The following ATP10B variants were observed in gnomAD, a reference collection of about 807,000 sequenced individuals.
ATP10B encodes the protein ATPase phospholipid transporting 10B (putative), also known as phospholipid-transporting ATPase VB.
In ATP10B, 122 loss-of-function variants were observed where a neutral mutation model predicts 141.2. The ratio of observed to expected loss-of-function variants is 0.86; its 90% CI spans 0.75 to 1.00. The LOEUF (loss-of-function observed/expected upper bound fraction) is 1.00. Ranked by LOEUF, ATP10B falls within the 50% of genes least tolerant of loss-of-function variation. The pLI is 0.00. For synonymous variants in ATP10B, 685 were observed against 692.0 expected, an observed-to-expected ratio of 0.99 and a Z score of 0.16; for missense variants, 1,876 against 1,825.3, an observed-to-expected ratio of 1.03 and a Z score of -0.51.
chr5:160,575,797 G>A (rs1328186649), intron 24 of ATP10B, among the ~76,000 whole-genome samples: 1 of 152,086 alleles, frequency 6.6e-6, no homozygotes, highest in African/African-American at 2.4e-5. Flanking sequence ...CTTTTGACTA[G>A]ATGGTACAAA....
chr5:160,796,359 C>T (rs144122216), intron 1 of ATP10B, among the ~76,000 whole-genome samples: 13 of 152,286 alleles, frequency 8.5e-5, no homozygotes, highest in African/African-American at 2.9e-4. Context: ...CCACTTACTA[C>T]GAACGTTGTG....
the ATP10B span, among the ~76,000 whole-genome samples, chr5:160,889,258 A>C: frequency 0.63 from 95,315 of 152,014 alleles, 31,238 homozygotes; most frequent in East Asian, 0.86. Context: ...CCTTTGACAT[A>C]CGAGGGTTTA....
intron 1 of ATP10B, among the ~76,000 whole-genome samples, chr5:160,810,130 T>C (rs1455489784): frequency 1.3e-5 from 2 of 152,146 alleles, no homozygotes; most frequent in Non-Finnish European, 2.9e-5. Context: ...AAATGAATTA[T>C]TTACCTTTTA....
chr5:160,661,406 T>C (rs1761902824), intron 7 of ATP10B, among the ~76,000 whole-genome samples: 1 of 152,222 alleles, frequency 6.6e-6, no homozygotes, highest in Admixed American at 6.5e-5. Context: ...TGAAAGCTGA[T>C]ATCAAAGAAT....
chr5:160,722,124 G>A (rs1279675403), intron 2 of ATP10B, among the ~76,000 whole-genome samples: 2 of 152,124 alleles, frequency 1.3e-5, no homozygotes, highest in Non-Finnish European at 2.9e-5. Flanking sequence ...ACATATCCAA[G>A]CAAACAAACA....
the ATP10B span, among the ~76,000 whole-genome samples, chr5:160,912,414 CAAAAA>C: frequency 4.5e-5 from 4 of 88,910 alleles, no homozygotes; most frequent in Admixed American, 1.4e-4. Flanking sequence ...CTGTTTCTAC[CAAAAA>C]AAAAAAAAAA....
At chr5:160,912,960 C>T in the ATP10B span, among the ~76,000 whole-genome samples, 2 of 152,164 alleles carry the variant, frequency 1.3e-5, no homozygotes, top group Admixed American at 1.3e-4. Flanking sequence ...CCACTGGCCT[C>T]GTGGGACAAG....
intron 2 of ATP10B, among the ~76,000 whole-genome samples, chr5:160,770,378 G>A (rs796905456): frequency 1.3e-5 from 2 of 151,932 alleles, no homozygotes; most frequent in South Asian, 4.2e-4. Flanking sequence ...ACGGGCCTTG[G>A]AATTGCAAAT....
At chr5:160,654,069 GTATATACATATAAATATA>G in intron 7 of ATP10B, among the ~76,000 whole-genome samples, 10 of 93,290 alleles carry the variant, frequency 1.1e-4, no homozygotes, top group African/African-American at 3.7e-4. Flanking sequence ...TTGTATATAC[GTATATACATATAAATATA>G]TGTTGTATAT....
chr5:160,881,307 T>C, the ATP10B span, among the ~76,000 whole-genome samples: 1 of 152,166 alleles, frequency 6.6e-6, no homozygotes, highest in African/African-American at 2.4e-5. Context: ...CTAACAAGAA[T>C]GGGGAATAAG....
At chr5:160,615,066 A>G (rs1757921320) in intron 17 of ATP10B, among the ~76,000 whole-genome samples, 1 of 152,180 alleles carries the variant, frequency 6.6e-6, no homozygotes. Flanking sequence ...CTCTCTCAGC[A>G]TAGCAATCTA....
At chr5:160,797,666 C>T (rs1465690469) in intron 1 of ATP10B, among the ~76,000 whole-genome samples, 1 of 152,144 alleles carries the variant, frequency 6.6e-6, no homozygotes, top group Non-Finnish European at 1.5e-5. Flanking sequence ...TGTGAACAAA[C>T]TAGGAGGGAA....
intron 22 of ATP10B, among the ~76,000 whole-genome samples, chr5:160,595,920 A>G (rs1561637705): frequency 6.6e-6 from 1 of 151,954 alleles, no homozygotes; most frequent in Non-Finnish European, 1.5e-5. Context: ...AACCAAAAAG[A>G]GTCCAGGACC....
intron 3 of ATP10B, among the ~76,000 whole-genome samples, chr5:160,703,918 T>A (rs932235951): frequency 6.6e-6 from 1 of 152,204 alleles, no homozygotes; most frequent in Non-Finnish European, 1.5e-5. Context: ...AAAACAACAT[T>A]AATCTCCTTG....
chr5:160,926,697 C>A, the ATP10B span, among the ~76,000 whole-genome samples: 2 of 152,350 alleles, frequency 1.3e-5, no homozygotes, highest in Non-Finnish European at 2.9e-5. Context: ...GAGGAAGCAT[C>A]ACTAGGCTGG....
rs984208720 is a variant in ATP10B at position 160,820,599 on chromosome 5, T to C, written c.-576+31342A>G. Among the ~76,000 whole-genome samples the C allele has an allele frequency of 2.6e-5, 4 of 152,012 alleles. No individual in the cohort carries two copies. The South Asian group carries it at 8.3e-4, about 32-fold the overall frequency. The stretch of plus-strand genomic sequence containing the variant: ...CAAAGACACAGCAAAAGAAGAAAAT[T>C]ACAGGCCAATATCTCTGATGAATAT... On this transcript the variant is annotated intron_variant, in intron 1 of 25. Coordinates refer to ENST00000327245, the MANE Select transcript of ATP10B (RefSeq NM_025153.3).
In ATP10B at chr5:160,565,793, C is replaced by T. The variant is rs1754500507; in HGVS notation, c.4046G>A (p.Trp1349Ter). Residue 1349 changes from tryptophan (W) to a stop codon, truncating the protein, a stop_gained, in exon 26 of 26, where the codon TGG becomes TAG. Transcript: ENST00000327245. LOFTEE classifies it low-confidence loss of function (END_TRUNC). ...PDKRNLEIQSWRSRQRPAPVP... is the reference protein window; with the variant it reads ...PDKRNLEIQS ...AGGGGCAGGCCTCTGTCTGCTTCTC[C>T]AACTCTGGATTTCCAGGTTTCTTTT... 2 of 1,614,070 alleles carry T rather than the reference C, an allele frequency of 1.2e-6. No homozygotes were observed. Among genetic ancestry groups the T allele is most frequent in the Non-Finnish European group, 1.7e-6 (2 of 1,179,974 alleles).
At chr5:160,659,484 A>G (rs1022924663) in intron 7 of ATP10B, among the ~76,000 whole-genome samples, 2 of 152,012 alleles carry the variant, frequency 1.3e-5, no homozygotes, top group Non-Finnish European at 2.9e-5. Context: ...CAAAAACAAA[A>G]ACAAAAACAA....
At chr5:160,874,315 C>G in the ATP10B span, among the ~76,000 whole-genome samples, 24 of 152,082 alleles carry the variant, frequency 1.6e-4, no homozygotes, top group African/African-American at 5.1e-4. Flanking sequence ...AGACCTGCAG[C>G]TGAGGGTCCT....
Sources: allele counts gnomAD v4.1 joint callset (sites outside exome capture counted in the v4.1 genomes callset), GRCh38; gene constraint gnomAD v4.1.1; transcripts MANE v1.5; gene names NCBI Gene and HGNC (gene_info 2026-07-23, HGNC 2026-07-21).